RPTOR: variants seen among roughly 807,000 people sequenced by gnomAD.
RPTOR encodes the protein regulatory-associated protein of mTOR.
A neutral mutation model predicts 169.9 loss-of-function variants in RPTOR; 21 were observed. The ratio of observed to expected loss-of-function variants is 0.12; its 90% CI spans 0.09 to 0.18. RPTOR has a LOEUF of 0.18. RPTOR is among the 10% of genes least tolerant of loss of function. The pLI is 1.00. For synonymous variants in RPTOR, 732 were observed against 753.2 expected (o/e 0.97, Z 0.46); for missense variants, 1,133 against 1,855.9 (o/e 0.61, Z 7.16).
chr17:80,559,886 C>T (rs746218801), intron 1 of RPTOR, among the ~76,000 whole-genome samples: 2 of 152,186 alleles, frequency 1.3e-5, no homozygotes, highest in Non-Finnish European at 2.9e-5. Flanking sequence ...CTGAGGTAAA[C>T]GTTACATATG....
chr17:80,634,310 GTGCGTGTGCGTACTA>G (rs1212352215), intron 2 of RPTOR, among the ~76,000 whole-genome samples: 82 of 133,578 alleles, frequency 6.1e-4, no homozygotes, highest in South Asian at 9.4e-4. Context: ...TGTGCGTACT[GTGCGTGTGCGTACTA>G]TGTGCGTGTG....
intron 4 of RPTOR, among the ~76,000 whole-genome samples, chr17:80,716,038 G>T (rs1284251227): frequency 6.6e-6 from 1 of 152,218 alleles, no homozygotes; most frequent in Non-Finnish European, 1.5e-5. Flanking sequence ...GCGTGTGCAA[G>T]TATCTTTTGT....
At chr17:80,806,005 A>G (rs4969443) in intron 7 of RPTOR, among the ~76,000 whole-genome samples, 33,257 of 152,154 alleles carry the variant, frequency 0.22, 3,998 homozygotes, top group African/African-American at 0.31. Flanking sequence ...ACCATTAAAT[A>G]CGGAAGGACA....
At chr17:80,753,970 C>G in intron 5 of RPTOR, 40 bp from the exon 6 acceptor site, 1 of 1,571,652 alleles carries the variant, frequency 6.4e-7, no homozygotes. Context: ...TGACCAGCAG[C>G]TAAATCACAC....
chr17:80,923,925 A>G (rs1332708324), intron 23 of RPTOR: 52 of 513,560 alleles, frequency 1.0e-4, no homozygotes, highest in Non-Finnish European at 1.7e-4. Context: ...ACTCTTTAGG[A>G]GCACTGCTGG....
At chr17:80,783,405 G>A (rs2066960534) in intron 6 of RPTOR, among the ~76,000 whole-genome samples, 1 of 152,164 alleles carries the variant, frequency 6.6e-6, no homozygotes, top group Non-Finnish European at 1.5e-5. Context: ...TTGCTCTGTT[G>A]TTTTGTTTTT....
chr17:80,672,384 TTA>T (rs2065828649), intron 3 of RPTOR, among the ~76,000 whole-genome samples: 1 of 150,162 alleles, frequency 6.7e-6, no homozygotes, highest in African/African-American at 2.5e-5. Flanking sequence ...TTTTTTTTTT[TTA>T]AATGGTTACC....
At chr17:80,673,516 G>A (rs1241657513) in intron 3 of RPTOR, among the ~76,000 whole-genome samples, 2 of 152,188 alleles carry the variant, frequency 1.3e-5, no homozygotes, top group South Asian at 2.1e-4. Context: ...AGCTGTCATC[G>A]TTGTTTGGCC....
At chr17:80,713,969 G>A (rs866732783) in intron 4 of RPTOR, among the ~76,000 whole-genome samples, 1 of 152,018 alleles carries the variant, frequency 6.6e-6, no homozygotes, top group Non-Finnish European at 1.5e-5. Context: ...ATGGAGTCTC[G>A]CTTTGGTTGC....
chr17:80,724,869 C>T (rs2066317830), intron 4 of RPTOR, among the ~76,000 whole-genome samples: 2 of 152,202 alleles, frequency 1.3e-5, no homozygotes, highest in African/African-American at 4.8e-5. Context: ...GGGGTGGCGG[C>T]ACCGTGTCGT....
chr17:80,591,887 A>G (rs1445344148), intron 1 of RPTOR, among the ~76,000 whole-genome samples: 1 of 152,166 alleles, frequency 6.6e-6, no homozygotes, highest in Non-Finnish European at 1.5e-5. Flanking sequence ...ACTGCATGAG[A>G]GGCTGGTTCT....
intron 1 of RPTOR, 61 bp downstream of exon 1, chr17:80,545,852 A>T: frequency 7.1e-7 from 1 of 1,411,636 alleles, no homozygotes; most frequent in East Asian, 2.5e-5. Flanking sequence ...GAAAGTTTAC[A>T]GCCCGAAAAG....
At chr17:80,926,940 G>A (rs939987717) in intron 24 of RPTOR, among the ~76,000 whole-genome samples, 8 of 152,238 alleles carry the variant, frequency 5.3e-5, no homozygotes, top group Admixed American at 3.9e-4. Flanking sequence ...GAGGCTGGTG[G>A]ATTCAGTCCT....
At chr17:80,942,311 CT>C (rs1200450310) in intron 25 of RPTOR, among the ~76,000 whole-genome samples, 7 of 151,242 alleles carry the variant, frequency 4.6e-5, no homozygotes, top group African/African-American at 1.7e-4. Flanking sequence ...GAGCTGGCCC[CT>C]GATGGCCAAG....
intron 5 of RPTOR, among the ~76,000 whole-genome samples, chr17:80,747,802 C>T (rs1246603568): frequency 6.6e-6 from 1 of 152,250 alleles, no homozygotes; most frequent in African/African-American, 2.4e-5. Flanking sequence ...ACACTGGAGA[C>T]TCGCCCCACC....
At chr17:80,817,125 G>C (rs1178541928) in intron 7 of RPTOR, among the ~76,000 whole-genome samples, 1 of 152,226 alleles carries the variant, frequency 6.6e-6, no homozygotes, top group African/African-American at 2.4e-5. Flanking sequence ...CGGGAGGCAC[G>C]GCATGAGTGC....
chr17:80,779,092 G>A (rs1302575209), intron 6 of RPTOR, among the ~76,000 whole-genome samples: 1 of 152,184 alleles, frequency 6.6e-6, no homozygotes, highest in Admixed American at 6.5e-5. Context: ...CACAGCCGTG[G>A]GCTGAGATGC....
At chr17:80,802,067 G>C (rs1280831832) in intron 7 of RPTOR, 1 of 152,272 alleles carries the variant, frequency 6.6e-6, no homozygotes, top group Non-Finnish European at 1.5e-5. Flanking sequence ...TAGGGGTGGA[G>C]GAGGCTTGGT....
chr17:80,698,433 C>T (rs2066055700), intron 3 of RPTOR, among the ~76,000 whole-genome samples: 6 of 152,238 alleles, frequency 3.9e-5, no homozygotes, highest in South Asian at 2.1e-4. Context: ...GTTTCTGCAC[C>T]GTTGTCACCA....
Sources: gnomAD v4.1 joint callset for allele counts (sites outside exome capture counted in the v4.1 genomes callset) on GRCh38, gnomAD v4.1.1 for gene constraint, MANE v1.5 for transcripts, NCBI Gene and HGNC (gene_info 2026-07-23, HGNC 2026-07-21) for gene names.